Variants in MARCHF1 observed in about 807,000 individuals in gnomAD.
MARCHF1 encodes the protein E3 ubiquitin-protein ligase MARCHF1.
A neutral mutation model predicts 54.2 loss-of-function variants in MARCHF1; 40 were observed. The observed-to-expected ratio is 0.74, with a 90% CI of 0.57 to 0.96. The LOEUF (loss-of-function observed/expected upper bound fraction) is 0.96, where lower values mean the gene tolerates loss of function less well. Among genes scored for constraint, MARCHF1 ranks in the 40% least tolerant of loss-of-function variants. The pLI, the probability that MARCHF1 is intolerant of heterozygous loss-of-function variation, is 0.00. For synonymous variants in MARCHF1, 236 were observed against 236.3 expected, an observed-to-expected ratio of 1.00 and a Z score of 0.01; for missense variants, 586 against 656.5, an observed-to-expected ratio of 0.89 and a Z score of 1.17.
At chr4:163,826,826 T>C (rs2111077508) in intron 4 of MARCHF1, among the ~76,000 whole-genome samples, 1 of 152,152 alleles carries the variant, frequency 6.6e-6, no homozygotes, top group African/African-American at 2.4e-5. Flanking sequence ...TGGCAGGGGC[T>C]AGAAAGTATA....
chr4:163,720,125 T>A (rs1745397755), intron 4 of MARCHF1, among the ~76,000 whole-genome samples: 1 of 152,328 alleles, frequency 6.6e-6, no homozygotes. Flanking sequence ...TGAATGGTAT[T>A]GCCTAGGTTT....
chr4:163,755,220 G>A (rs1171580049), intron 4 of MARCHF1, among the ~76,000 whole-genome samples: 1 of 152,108 alleles, frequency 6.6e-6, no homozygotes, highest in African/African-American at 2.4e-5. Context: ...TTCTCAAACC[G>A]TTTAGATGTA....
chr4:163,608,002 G>A (rs1048112662), intron 7 of MARCHF1, among the ~76,000 whole-genome samples: 3 of 152,124 alleles, frequency 2.0e-5, no homozygotes, highest in African/African-American at 7.2e-5. Context: ...ACAGTGCTAT[G>A]ATTTTGCATC....
At position 164,209,514 on chromosome 4, in the gene MARCHF1, A is replaced by G. The variant is rs368824095; in HGVS notation, c.-322-97852T>C. On this transcript the variant is annotated intron_variant, in intron 1 of 9. Coordinates refer to ENST00000514618, the MANE Select transcript of MARCHF1 (RefSeq NM_001394959.1). ...TAGAAGCTAGGTAGTCTCTGAAACTATAAGGTTCCATATGACATATGTGTT... is the reference window on the plus strand; with the variant it reads ...TAGAAGCTAGGTAGTCTCTGAAACTGTAAGGTTCCATATGACATATGTGTT... Among the ~76,000 whole-genome samples the G allele has an allele frequency of 6.6e-5, 10 of 152,322 alleles. No homozygotes were observed. The South Asian group carries it at 1.0e-3, about 16-fold the overall frequency.
chr4:164,339,218 C>T (rs1376031195), intron 1 of MARCHF1, among the ~76,000 whole-genome samples: 1 of 152,062 alleles, frequency 6.6e-6, no homozygotes, highest in African/African-American at 2.4e-5. Context: ...CACTTTAAAC[C>T]AAGTGGACCT....
chr4:163,872,917 G>T (rs543687332), intron 3 of MARCHF1, among the ~76,000 whole-genome samples: 1 of 151,976 alleles, frequency 6.6e-6, no homozygotes, highest in Non-Finnish European at 1.5e-5. Flanking sequence ...GGTGGCGGGC[G>T]CCTGTAGTCC....
At chr4:163,966,263 T>C (rs1752441797) in intron 3 of MARCHF1, among the ~76,000 whole-genome samples, 1 of 152,060 alleles carries the variant, frequency 6.6e-6, no homozygotes, top group Admixed American at 6.6e-5. Context: ...AAGGGAGATG[T>C]TATTTCATTG....
At chr4:164,290,470 C>A (rs990762095) in intron 1 of MARCHF1, among the ~76,000 whole-genome samples, 2 of 151,804 alleles carry the variant, frequency 1.3e-5, no homozygotes, top group African/African-American at 4.8e-5. Context: ...AAACCGATGC[C>A]CTCCATTTCA....
At chr4:163,879,283 C>T (rs773516869) in intron 3 of MARCHF1, among the ~76,000 whole-genome samples, 50 of 152,094 alleles carry the variant, frequency 3.3e-4, no homozygotes, top group Non-Finnish European at 4.1e-4. Context: ...TTTGAGGGTG[C>T]TCAGAACATC....
intron 1 of MARCHF1, among the ~76,000 whole-genome samples, chr4:164,254,324 T>G (rs1446680940): frequency 6.7e-6 from 1 of 150,356 alleles, no homozygotes; most frequent in Non-Finnish European, 1.5e-5. Flanking sequence ...TACATATATA[T>G]ATATCCTATA....
At chr4:163,688,667 C>G (rs994011555) in intron 5 of MARCHF1, among the ~76,000 whole-genome samples, 2 of 152,050 alleles carry the variant, frequency 1.3e-5, no homozygotes, top group Non-Finnish European at 2.9e-5. Flanking sequence ...AACAACTTTT[C>G]TTGCACGGAG....
chr4:164,122,192 C>T (rs1756082739), intron 1 of MARCHF1, among the ~76,000 whole-genome samples: 1 of 152,066 alleles, frequency 6.6e-6, no homozygotes, highest in South Asian at 2.1e-4. Flanking sequence ...AGGAACATGC[C>T]TCAACATAAT....
chr4:163,858,746 G>A (rs1749838029), intron 3 of MARCHF1, among the ~76,000 whole-genome samples: 1 of 152,120 alleles, frequency 6.6e-6, no homozygotes, highest in Non-Finnish European at 1.5e-5. Flanking sequence ...TAACATTCAT[G>A]CCTATCACTC....
intron 4 of MARCHF1, among the ~76,000 whole-genome samples, chr4:163,834,578 A>G (rs1307502224): frequency 6.7e-6 from 1 of 149,008 alleles, no homozygotes; most frequent in Admixed American, 6.7e-5. Context: ...CATTAGGTAT[A>G]TCTCCCAATG....
rs560211677 is a variant in MARCHF1, at chr4:163,585,271, A to G, written c.1191+478T>C. 2.0e-5 allele frequency: 3 copies of G among 152,396 alleles called. No individual in the cohort carries two copies. In the South Asian group the frequency reaches 6.2e-4, roughly 32 times the overall value. The allele number at this position is 152,396 out of a possible 1,614,324, so 9.4% of individuals were successfully genotyped here. Reference sequence around the variant, plus strand: ...AACCAATTCCCAAATAAAAGCAAACATAAATAGTACACACTTTATAGAAGA... The same window carrying G: ...AACCAATTCCCAAATAAAAGCAAACGTAAATAGTACACACTTTATAGAAGA... On this transcript the variant is annotated intron_variant, in intron 8 of 9. Coordinates refer to ENST00000514618, the MANE Select transcript of MARCHF1 (RefSeq NM_001394959.1).
rs550190824 is a variant in MARCHF1, at chr4:164,254,554, ATTAAC to A, written c.-323+129311_-323+129315del. Among the ~76,000 whole-genome samples, 487 of 152,048 alleles carry A rather than the reference ATTAAC, an allele frequency of 3.2e-3. 3 individuals carry two copies. Among genetic ancestry groups the A allele is most frequent in the African/African-American group, 0.011 (444 of 41,522 alleles). ...CCCATATGTATGAAGTTTATTAAGT[ATTAAC>A]TTAATATATATCTATAAAGGGGAGT... On this transcript the variant is annotated intron_variant, in intron 1 of 9. Coordinates refer to ENST00000514618, the MANE Select transcript of MARCHF1 (RefSeq NM_001394959.1).
At chr4:163,754,720 TAAAG>T (rs1746615387) in intron 4 of MARCHF1, among the ~76,000 whole-genome samples, 1 of 135,658 alleles carries the variant, frequency 7.4e-6, no homozygotes, top group African/African-American at 2.6e-5. Flanking sequence ...TTAAACCTGT[TAAAG>T]ACTCTTTTTT....
chr4:163,866,081 G>A (rs1370960051), intron 3 of MARCHF1, among the ~76,000 whole-genome samples: 1 of 151,166 alleles, frequency 6.6e-6, no homozygotes, highest in Non-Finnish European at 1.5e-5. Flanking sequence ...TGGTCTCTAG[G>A]GAACTCAGAA....
chr4:163,942,324 T>C (rs1751928916), intron 3 of MARCHF1, among the ~76,000 whole-genome samples: 1 of 152,194 alleles, frequency 6.6e-6, no homozygotes, highest in African/African-American at 2.4e-5. Context: ...TACAGTTCTT[T>C]TAGAAGCATA....
Sources: gnomAD v4.1 joint callset for allele counts (sites outside exome capture counted in the v4.1 genomes callset) on GRCh38, gnomAD v4.1.1 for gene constraint, MANE v1.5 for transcripts, NCBI Gene and HGNC (gene_info 2026-07-23, HGNC 2026-07-21) for gene names.